The following PATL2 variants were observed in gnomAD, a reference collection of about 807,000 sequenced individuals.
PATL2 encodes the protein protein PAT1 homolog 2.
PATL2 carries 73 observed loss-of-function variants against 77.0 expected under a neutral mutation model. The observed-to-expected ratio is 0.95, with a 90% CI of 0.78 to 1.15. The LOEUF is 1.15. PATL2 is among the 50% of genes most tolerant of loss of function. The pLI, the probability that PATL2 is intolerant of heterozygous loss-of-function variation, is 0.00. For synonymous variants in PATL2, 265 were observed against 257.1 expected (o/e 1.03, Z -0.29); for missense variants, 618 against 655.4 (o/e 0.94, Z 0.62).
intron 3 of PATL2, among the ~76,000 whole-genome samples, chr15:44,707,658 G>A (rs1291771935): frequency 6.6e-6 from 1 of 152,174 alleles, no homozygotes; most frequent in East Asian, 1.9e-4. Flanking sequence ...GAGGAAAGAA[G>A]TCTCTCTCTG....
chr15:44,696,413 TA>T (rs2086503870), intron 3 of PATL2, among the ~76,000 whole-genome samples: 1 of 152,220 alleles, frequency 6.6e-6, no homozygotes, highest in South Asian at 2.1e-4. Context: ...ATAATACATT[TA>T]AAATTATGGT....
chr15:44,709,341 C>T (rs189390874), intron 3 of PATL2, among the ~76,000 whole-genome samples: 73 of 151,946 alleles, frequency 4.8e-4, no homozygotes, highest in Non-Finnish European at 7.4e-4. Flanking sequence ...AAAAAAAGGC[C>T]GCTATTAATC....
intron 3 of PATL2, among the ~76,000 whole-genome samples, chr15:44,686,913 A>G (rs1176494997): frequency 6.6e-6 from 1 of 152,210 alleles, no homozygotes; most frequent in East Asian, 1.9e-4. Context: ...GCAGTAATTA[A>G]TAGCCTACTA....
chr15:44,683,410 G>T (rs555405990), intron 3 of PATL2, among the ~76,000 whole-genome samples: 19 of 152,318 alleles, frequency 1.2e-4, no homozygotes, highest in African/African-American at 4.6e-4. Context: ...GGGGGGAGGG[G>T]CGTTTGCCAT....
intron 16 of PATL2, 101 bp downstream of exon 16, chr15:44,667,005 C>T: frequency 1.1e-6 from 1 of 923,450 alleles, no homozygotes; most frequent in South Asian, 1.5e-5. Context: ...TATCCAACCT[C>T]TTCCTCAGTA....
chr15:44,705,475 T>C (rs2086715580), intron 3 of PATL2, among the ~76,000 whole-genome samples: 1 of 152,192 alleles, frequency 6.6e-6, no homozygotes, highest in Non-Finnish European at 1.5e-5. Context: ...CCACTGCACC[T>C]GGCTGCAGCC....
chr15:44,673,450 C>T, intron 6 of PATL2, 73 bp from the exon 7 acceptor site: 6 of 1,512,230 alleles, frequency 4.0e-6, no homozygotes, highest in Non-Finnish European at 5.4e-6. Context: ...TGTGAGGGCT[C>T]AGTTCCTTTC....
intron 8 of PATL2, 79 bp downstream of exon 8, chr15:44,672,309 G>C: frequency 1.3e-6 from 2 of 1,524,058 alleles, no homozygotes; most frequent in African/African-American, 1.4e-5. Context: ...TGGGAGATTT[G>C]AGGGAGACAA....
Position 44,669,554 on chromosome 15 carries a change from C to A in PATL2, c.886G>T (p.Ala296Ser), listed in dbSNP as rs1181784196. 10 of 1,551,128 alleles carry A rather than the reference C, an allele frequency of 6.4e-6. No individual in the cohort carries two copies. Among genetic ancestry groups the A allele is most frequent in the Non-Finnish European group, 8.7e-6 (10 of 1,146,878 alleles). ...ACCCGAAGCCTCTGACTGCTTGCAG[C>A]TTCTATATCCTAGGAGAAGGGAGTC... ...PHGTQEQDIEAASSQRLRVLY... is the reference protein window; with the variant it reads ...PHGTQEQDIESASSQRLRVLY... Residue 296 changes from alanine to serine, a missense_variant, in exon 12 of 18, where the codon GCT (alanine) becomes TCT (serine). Physicochemically the swap from Ala to Ser is moderately conservative, Grantham distance 99. Transcript: ENST00000682850.
At position 44,668,368 on chromosome 15, in the gene PATL2, G is replaced by A. The variant is rs1448397333; in HGVS notation, c.1339C>T (p.Pro447Ser). The change falls in exon 15 of 18, where the codon CCA (proline) becomes TCA (serine). Residue 447 changes from proline (P) to serine (S), a missense_variant. Transcript: ENST00000682850. ...TLLPPGSSER[P>S]VTVVLQNQFG... ...TGATTCTGAAGCACCACGGTGACTG[G>A]CCGCTCTGAGGAGCCAGGTGGCAAC... is the stretch of plus-strand genomic sequence containing the variant. 1.9e-6 allele frequency: 3 copies of A among 1,550,962 alleles called. No individual in the cohort carries two copies. The highest frequency in any genetic ancestry group is 2.6e-6 in the Non-Finnish European group (3 of 1,146,882).
chr15:44,704,630 G>C (rs1388041481), intron 3 of PATL2, among the ~76,000 whole-genome samples: 1 of 152,160 alleles, frequency 6.6e-6, no homozygotes, highest in Non-Finnish European at 1.5e-5. Context: ...CTCAAGATAT[G>C]AGTAGTTTAC....
rs147147691 is a variant in PATL2 at position 44,702,578 on chromosome 15, G to A, written c.-76+7518C>T. Reference sequence around the variant, plus strand: ...CTAGTTCTTTGAAATGCATCATTATGTTGTTTATTTGAAGTTTTTCTGTTT... The same window carrying A: ...CTAGTTCTTTGAAATGCATCATTATATTGTTTATTTGAAGTTTTTCTGTTT... On this transcript the variant is annotated intron_variant, in intron 3 of 17. Transcript: ENST00000682850. 2.1e-3 allele frequency among the ~76,000 whole-genome samples: 320 copies of A among 151,834 alleles called. 10 individuals are homozygous for A. Among genetic ancestry groups the A allele is most frequent in the African/African-American group, 7.3e-3 (303 of 41,334 alleles).
chr15:44,709,320 T>TTA (rs1437847803), intron 3 of PATL2, among the ~76,000 whole-genome samples: 2 of 152,038 alleles, frequency 1.3e-5, no homozygotes, highest in African/African-American at 2.4e-5. Context: ...TTTAAGAGGG[T>TTA]TATATAGGGG....
chr15:44,683,112 T>C (rs964345167), intron 3 of PATL2, among the ~76,000 whole-genome samples: 2 of 152,104 alleles, frequency 1.3e-5, no homozygotes, highest in African/African-American at 4.8e-5. Flanking sequence ...GGAGATTCCC[T>C]CAGGTGCCTA....
chr15:44,668,546 T>G (rs2085500502), intron 14 of PATL2, 64 bp from the exon 15 acceptor site: 6 of 1,521,138 alleles, frequency 3.9e-6, no homozygotes, highest in Non-Finnish European at 5.3e-6. Flanking sequence ...TTACCTTGCT[T>G]CCACAGTCCC....
chr15:44,665,732 T>C lies in PATL2; in HGVS notation c.*221A>G. ...TAACTTACAAGCAAGTTCCAACACA[T>C]CATTCTATTATCTCTTTAATTATAC... On this transcript the variant is annotated 3_prime_UTR_variant, in exon 18 of 18. Transcript: ENST00000682850. 1.6e-6 allele frequency: 2 copies of C among 1,275,674 alleles called. No individual in the cohort carries two copies. The highest frequency in any genetic ancestry group is 3.2e-5 in the Admixed American group (1 of 30,888). The allele number at this position is 1,275,674 out of a possible 1,614,324, so 79.0% of individuals were successfully genotyped here. A position where few individuals can be genotyped will look rare whatever the true frequency, so the allele number is the denominator to read the frequency against.
At chr15:44,702,310 AT>A (rs2086646103) in intron 3 of PATL2, among the ~76,000 whole-genome samples, 2 of 152,010 alleles carry the variant, frequency 1.3e-5, no homozygotes, top group South Asian at 4.1e-4. Context: ...GATCGTTTGA[AT>A]TTCTTTGATA....
At chr15:44,681,263 C>T (rs1259603979) in intron 3 of PATL2, among the ~76,000 whole-genome samples, 2 of 152,212 alleles carry the variant, frequency 1.3e-5, no homozygotes, top group African/African-American at 4.8e-5. Flanking sequence ...AAGTCGTCCT[C>T]CCACCTTGGC....
intron 3 of PATL2, chr15:44,697,425 C>A (rs1441708537): frequency 6.6e-6 from 1 of 152,270 alleles, no homozygotes; most frequent in Non-Finnish European, 1.5e-5. Flanking sequence ...TGTACTTGAA[C>A]CAACCTTAAT....
Sources: allele counts gnomAD v4.1 joint callset (sites outside exome capture counted in the v4.1 genomes callset), GRCh38; gene constraint gnomAD v4.1.1; transcripts MANE v1.5; gene names NCBI Gene and HGNC (gene_info 2026-07-23, HGNC 2026-07-21).